USP34: variants seen among roughly 807,000 people sequenced by gnomAD.
USP34 encodes the protein ubiquitin specific peptidase 34.
A neutral mutation model predicts 460.3 loss-of-function variants in USP34; 70 were observed. The observed-to-expected ratio is 0.15, with a 90% CI of 0.13 to 0.19. The LOEUF is 0.19. Among genes scored for constraint, USP34 ranks in the 10% least tolerant of loss-of-function variants. The pLI is 1.00. For missense variants in USP34, 3,985 were observed against 4,236.2 expected, an observed-to-expected ratio of 0.94 and a Z score of 1.65; for synonymous variants, 1,647 against 1,405.3, an observed-to-expected ratio of 1.17 and a Z score of -3.85.
chr2:61,240,911 T>C (rs576288604), intron 53 of USP34, among the ~76,000 whole-genome samples: 2 of 152,290 alleles, frequency 1.3e-5, no homozygotes, highest in South Asian at 4.1e-4. Context: ...TTACAATGCA[T>C]GCTTGAGGGC....
At chr2:61,254,667 C>T (rs1247069793) in intron 48 of USP34, among the ~76,000 whole-genome samples, 3 of 152,154 alleles carry the variant, frequency 2.0e-5, no homozygotes, top group South Asian at 2.1e-4. Flanking sequence ...CTCTTAAGAG[C>T]CTTTTGGCCA....
At chr2:61,238,564 G>T (rs1450913370) in intron 53 of USP34, among the ~76,000 whole-genome samples, 1 of 152,002 alleles carries the variant, frequency 6.6e-6, no homozygotes, top group Non-Finnish European at 1.5e-5. Context: ...GTTATCCTTT[G>T]GGATTAATAA....
At chr2:61,333,240 A>G (rs912110395) in intron 19 of USP34, among the ~76,000 whole-genome samples, 3 of 152,110 alleles carry the variant, frequency 2.0e-5, no homozygotes, top group African/African-American at 7.2e-5. Context: ...TAAGTTCTCC[A>G]TAAATGGAGT....
At chr2:61,189,256 GTTGT>G (rs1686545964) in intron 78 of USP34, 187 bp from the exon 79 acceptor site, 1 of 489,034 alleles carries the variant, frequency 2.0e-6, no homozygotes, top group Non-Finnish European at 3.2e-6. Flanking sequence ...CATTTCATTA[GTTGT>G]TTTTTTTTTT....
At chr2:61,283,651 CTG>C (rs2103961894) in intron 35 of USP34, among the ~76,000 whole-genome samples, 2 of 152,146 alleles carry the variant, frequency 1.3e-5, no homozygotes, top group South Asian at 4.2e-4. Context: ...GGGTCTCACT[CTG>C]TTGCCCAGGC....
chr2:61,213,914 T>C (rs1463874340), intron 68 of USP34, 146 bp downstream of exon 68: 4 of 981,480 alleles, frequency 4.1e-6, no homozygotes, highest in African/African-American at 3.3e-5. Context: ...ATTTTATATA[T>C]GTATTTAAGA....
intron 75 of USP34, among the ~76,000 whole-genome samples, chr2:61,195,999 T>C (rs1686792555): frequency 6.8e-6 from 1 of 148,034 alleles, no homozygotes; most frequent in Non-Finnish European, 1.5e-5. Context: ...CTCCGCCTCC[T>C]GGGCTCAAGC....
chr2:61,284,770 A>G (rs1433014234), intron 35 of USP34, 105 bp downstream of exon 35: 8 of 828,706 alleles, frequency 9.7e-6, no homozygotes, highest in Non-Finnish European at 1.4e-5. Flanking sequence ...TCATCATAAT[A>G]TCCCCCAAAT....
intron 10 of USP34, among the ~76,000 whole-genome samples, chr2:61,369,695 T>C (rs1692553184): frequency 7.8e-6 from 1 of 128,856 alleles, no homozygotes; most frequent in Admixed American, 7.7e-5. Flanking sequence ...TTAAACACTA[T>C]ACAGTTTTAC....
chr2:61,462,861 C>CAA (rs11302669), intron 1 of USP34, among the ~76,000 whole-genome samples: 1 of 110,080 alleles, frequency 9.1e-6, no homozygotes, highest in African/African-American at 3.4e-5. Flanking sequence ...AACTGTTTCC[C>CAA]AAAAAAAAAA....
At chr2:61,222,988 C>T in intron 64 of USP34, 72 bp downstream of exon 64, 1 of 1,342,480 alleles carries the variant, frequency 7.4e-7, no homozygotes, top group Non-Finnish European at 1.0e-6. Flanking sequence ...TGAGCCACCG[C>T]ACTCGGCCAG....
At chr2:61,324,250 T>A (rs772905638) in intron 21 of USP34, among the ~76,000 whole-genome samples, 1 of 152,214 alleles carries the variant, frequency 6.6e-6, no homozygotes. Context: ...TATAACCACA[T>A]GGATTTGGAT....
At chr2:61,414,985 C>T (rs980718358) in intron 2 of USP34, among the ~76,000 whole-genome samples, 1 of 152,084 alleles carries the variant, frequency 6.6e-6, no homozygotes, top group Admixed American at 6.6e-5. Context: ...CAGGAGGGGA[C>T]CAATTAGAGG....
intron 16 of USP34, among the ~76,000 whole-genome samples, chr2:61,340,694 G>A (rs1012779421): frequency 6.6e-6 from 1 of 151,882 alleles, no homozygotes; most frequent in Non-Finnish European, 1.5e-5. Flanking sequence ...GAATCTTTTC[G>A]TATGCTTATT....
intron 10 of USP34, among the ~76,000 whole-genome samples, chr2:61,352,151 T>C (rs1474395006): frequency 6.6e-6 from 1 of 152,210 alleles, no homozygotes; most frequent in African/African-American, 2.4e-5. Flanking sequence ...TTGAGCACCA[T>C]GTTGGCACTC....
intron 13 of USP34, 70 bp downstream of exon 13, chr2:61,349,180 T>A: frequency 2.6e-6 from 4 of 1,514,536 alleles, no homozygotes; most frequent in Middle Eastern, 1.8e-4. Context: ...TTATGTAAAA[T>A]CAATGAACTC....
chr2:61,217,279 C>T (rs186453160), intron 67 of USP34, among the ~76,000 whole-genome samples: 2 of 152,268 alleles, frequency 1.3e-5, no homozygotes, highest in African/African-American at 4.8e-5. Flanking sequence ...TAGTTGTATG[C>T]TACAAAAAAC....
intron 16 of USP34, among the ~76,000 whole-genome samples, chr2:61,339,999 T>C (rs916450582): frequency 9.9e-5 from 15 of 152,268 alleles, no homozygotes; most frequent in African/African-American, 2.4e-4. Context: ...GAGAGAAGAA[T>C]AGTGCCATTT....
At chr2:61,201,435 G>A (rs1326449381) in intron 75 of USP34, among the ~76,000 whole-genome samples, 2 of 151,886 alleles carry the variant, frequency 1.3e-5, no homozygotes, top group South Asian at 2.1e-4. Flanking sequence ...GGATGGTCTC[G>A]ATCTCTTGAC....
Sources: gnomAD v4.1 joint callset for allele counts (sites outside exome capture counted in the v4.1 genomes callset) on GRCh38, gnomAD v4.1.1 for gene constraint, MANE v1.5 for transcripts, NCBI Gene and HGNC (gene_info 2026-07-23, HGNC 2026-07-21) for gene names.